Variants in TMEM217B observed in about 807,000 individuals in gnomAD.
TMEM217B encodes transmembrane protein 217B.
chr6:37,242,571 C>A, the TMEM217B span, among the ~76,000 whole-genome samples: 1 of 152,174 alleles, frequency 6.6e-6, no homozygotes, highest in African/African-American at 2.4e-5. Flanking sequence ...GGGAAACCAG[C>A]CCCAGCTTGG....
the TMEM217B span, among the ~76,000 whole-genome samples, chr6:37,255,214 G>A: frequency 6.6e-6 from 1 of 152,238 alleles, no homozygotes; most frequent in African/African-American, 2.4e-5. Flanking sequence ...AAGACCAATG[G>A]GCATGGCTGC....
At chr6:37,219,110 C>T in the TMEM217B span, 1 of 1,360,056 alleles carries the variant, frequency 7.4e-7, no homozygotes, top group Non-Finnish European at 1.0e-6. Context: ...AGGGTTTCTG[C>T]CTCCTTCCCC....
chr6:37,231,029 A>G, the TMEM217B span, among the ~76,000 whole-genome samples: 9 of 151,966 alleles, frequency 5.9e-5, no homozygotes, highest in African/African-American at 1.9e-4. Flanking sequence ...AACCACTGTC[A>G]CTAAATTCCA....
chr6:37,247,049 C>T, the TMEM217B span, among the ~76,000 whole-genome samples: 3 of 152,128 alleles, frequency 2.0e-5, no homozygotes, highest in Non-Finnish European at 4.4e-5. Context: ...GGTCCTTCTA[C>T]AATGCAGATC....
At chr6:37,236,161 T>TA in the TMEM217B span, among the ~76,000 whole-genome samples, 1 of 152,164 alleles carries the variant, frequency 6.6e-6, no homozygotes. Context: ...AAAAACAATT[T>TA]AAAAAAACAG....
chr6:37,250,782 A>C, the TMEM217B span, among the ~76,000 whole-genome samples: 1 of 152,266 alleles, frequency 6.6e-6, no homozygotes, highest in African/African-American at 2.4e-5. Flanking sequence ...TATTACATGC[A>C]ACACATTCTG....
At chr6:37,250,600 T>C in the TMEM217B span, among the ~76,000 whole-genome samples, 5 of 152,268 alleles carry the variant, frequency 3.3e-5, no homozygotes, top group Non-Finnish European at 7.3e-5. Context: ...TCCTAGGTAC[T>C]GTACCTTAAA....
the TMEM217B span, among the ~76,000 whole-genome samples, chr6:37,255,271 G>T: frequency 6.6e-6 from 1 of 152,180 alleles, no homozygotes; most frequent in Admixed American, 6.5e-5. Flanking sequence ...GACTGGAGAG[G>T]TGAGTGGAGC....
chr6:37,238,167 G>A, the TMEM217B span, among the ~76,000 whole-genome samples: 10 of 148,490 alleles, frequency 6.7e-5, no homozygotes, highest in Admixed American at 6.7e-5. Flanking sequence ...TAAAAACACT[G>A]AAAAAAAAAA....
At chr6:37,229,833 A>G in the TMEM217B span, among the ~76,000 whole-genome samples, 1 of 152,216 alleles carries the variant, frequency 6.6e-6, no homozygotes, top group East Asian at 1.9e-4. Context: ...ACACACAGTT[A>G]TAATAGTATC....
the TMEM217B span, among the ~76,000 whole-genome samples, chr6:37,254,848 T>A: frequency 2.0e-5 from 3 of 152,192 alleles, no homozygotes; most frequent in African/African-American, 7.2e-5. Flanking sequence ...GGAAGACAAC[T>A]TTTCCATGAA....
At chr6:37,225,258 G>C in the TMEM217B span, among the ~76,000 whole-genome samples, 1 of 152,108 alleles carries the variant, frequency 6.6e-6, no homozygotes, top group Non-Finnish European at 1.5e-5. Context: ...ATTTGGGATT[G>C]TGGTTACTTC....
the TMEM217B span, among the ~76,000 whole-genome samples, chr6:37,241,097 C>T: frequency 7.0e-6 from 1 of 143,584 alleles, no homozygotes; most frequent in East Asian, 2.0e-4. Flanking sequence ...AAAAGTATTA[C>T]TCTTTTTTTT....
chr6:37,251,183 A>G, the TMEM217B span, among the ~76,000 whole-genome samples: 76 of 152,180 alleles, frequency 5.0e-4, no homozygotes, highest in Non-Finnish European at 9.1e-4. Context: ...AATCTATGAT[A>G]TTTTGTTTTT....
the TMEM217B span, among the ~76,000 whole-genome samples, chr6:37,226,572 C>T: frequency 5.9e-5 from 9 of 151,324 alleles, no homozygotes; most frequent in East Asian, 2.0e-4. Context: ...GCTGGGATTA[C>T]AGGCGTGAGC....
chr6:37,256,156 A>G, the TMEM217B span, among the ~76,000 whole-genome samples: 1 of 152,250 alleles, frequency 6.6e-6, no homozygotes, highest in Non-Finnish European at 1.5e-5. Flanking sequence ...AGTGGCAGGT[A>G]TCTTGTCACA....
the TMEM217B span, chr6:37,219,000 C>T: frequency 1.2e-6 from 2 of 1,613,950 alleles, no homozygotes; most frequent in African/African-American, 1.3e-5. Flanking sequence ...CCCATTTTGG[C>T]AGTCATCCCA....
At chr6:37,223,191 A>T in the TMEM217B span, among the ~76,000 whole-genome samples, 1 of 152,218 alleles carries the variant, frequency 6.6e-6, no homozygotes, top group Non-Finnish European at 1.5e-5. Context: ...AAATGGGGGT[A>T]GCATATTTAC....
the TMEM217B span, chr6:37,219,063 G>A: frequency 4.4e-6 from 7 of 1,586,912 alleles, no homozygotes; most frequent in Middle Eastern, 1.7e-4. Context: ...AACAACATGA[G>A]GGAGAATTCT....
Sources: gnomAD v4.1 joint callset for allele counts (sites outside exome capture counted in the v4.1 genomes callset) on GRCh38, gnomAD v4.1.1 for gene constraint, MANE v1.5 for transcripts, NCBI Gene and HGNC (gene_info 2026-07-23, HGNC 2026-07-21) for gene names.